The following GINS3 variants were observed in gnomAD, a reference collection of about 807,000 sequenced individuals.
GINS3 encodes the protein GINS complex subunit 3.
A neutral mutation model predicts 20.0 loss-of-function variants in GINS3; 18 were observed. The ratio of observed to expected loss-of-function variants is 0.90; its 90% confidence interval spans 0.62 to 1.33. The LOEUF is 1.33. Ranked by LOEUF, GINS3 falls within the 40% of genes most tolerant of loss-of-function variation. The pLI, the probability that GINS3 is intolerant of heterozygous loss-of-function variation, is 0.00. For synonymous variants in GINS3, 109 were observed against 107.0 expected, an observed-to-expected ratio of 1.02 and a Z score of -0.12; for missense variants, 254 against 273.6, an observed-to-expected ratio of 0.93 and a Z score of 0.51.
chr16:58,403,488 CAT>C (rs141154902), intron 2 of GINS3, 157 bp downstream of exon 2: 8,515 of 585,702 alleles, frequency 0.015, 51 homozygotes, highest in Non-Finnish European at 0.019. Context: ...TATATATTTA[CAT>C]ATATACACAC....
At chr16:58,402,909 CCAT>C in intron 1 of GINS3, 186 bp from the exon 2 acceptor site, 1 of 589,188 alleles carries the variant, frequency 1.7e-6, no homozygotes. Context: ...TCTCTCCATT[CCAT>C]CATCACATAA....
intron 1 of GINS3, among the ~76,000 whole-genome samples, chr16:58,396,574 C>G (rs1965866600): frequency 1.3e-5 from 1 of 76,472 alleles, no homozygotes; most frequent in Non-Finnish European, 2.6e-5. Flanking sequence ...GCTGATCCCC[C>G]CCACCTCCCT....
intron 1 of GINS3, among the ~76,000 whole-genome samples, chr16:58,397,632 C>G (rs1478234491): frequency 6.6e-6 from 1 of 152,168 alleles, no homozygotes; most frequent in Admixed American, 6.5e-5. Context: ...CAGCGAAACC[C>G]CGTCTCCACC....
At chr16:58,395,223 A>G in intron 1 of GINS3, 1 of 397,620 alleles carries the variant, frequency 2.5e-6, no homozygotes, top group South Asian at 1.2e-4. Flanking sequence ...TTGCAGGTAC[A>G]TGCCACCATG....
rs1966028116 is a variant in GINS3 at position 58,405,858 on chromosome 16, G to A, written c.*1129G>A. Reference sequence around the variant, plus strand: ...TGACACCTCACAACTAGCAAAAATTGTCTTTGTCTTTGGAAATTATAGAGG... The same window carrying A: ...TGACACCTCACAACTAGCAAAAATTATCTTTGTCTTTGGAAATTATAGAGG... On this transcript the variant is annotated 3_prime_UTR_variant, in exon 3 of 3. Transcript: ENST00000318129. 6.6e-6 allele frequency: 1 copy of A among 152,112 alleles called. No homozygotes were observed. The highest frequency in any genetic ancestry group is 2.4e-5 in the African/African-American group (1 of 41,406). 9.4% of individuals were successfully genotyped at this position (152,112 alleles called of 1,614,324 possible). A position where few individuals can be genotyped will look rare whatever the true frequency, so the allele number is the denominator to read the frequency against.
intron 2 of GINS3, chr16:58,403,636 C>T (rs1965987257): frequency 1.2e-5 from 4 of 343,012 alleles, no homozygotes; most frequent in Non-Finnish European, 2.2e-5. Flanking sequence ...GTGGCTCACA[C>T]CTGTAATCCC....
In GINS3 at chr16:58,404,733, C is replaced by G; in HGVS notation, c.*4C>G. 6.2e-7 allele frequency: 1 copy of G among 1,606,000 alleles called. No homozygotes were observed. The highest frequency in any genetic ancestry group is 8.5e-7 in the Non-Finnish European group (1 of 1,173,380). ...ATTCACTGATATGGAAGACTGAAAG[C>G]CGGAAGAACACAGAATGGCTCCTCA... On this transcript the variant is annotated 3_prime_UTR_variant, in exon 3 of 3. Transcript: ENST00000318129.
At chr16:58,402,058 C>T (rs1010007289) in intron 1 of GINS3, among the ~76,000 whole-genome samples, 1 of 152,112 alleles carries the variant, frequency 6.6e-6, no homozygotes, top group Non-Finnish European at 1.5e-5. Flanking sequence ...TTATTTCATA[C>T]ATCTCTTAGG....
chr16:58,404,354 G>A (rs1965998268), intron 2 of GINS3, 145 bp from the exon 3 acceptor site: 1 of 622,864 alleles, frequency 1.6e-6, no homozygotes, highest in Non-Finnish European at 2.9e-6. Flanking sequence ...AACTTACTTG[G>A]GTGCTAGAGG....
rs541351258 is a variant in GINS3 at position 58,392,528 on chromosome 16, C to T, written c.-74C>T. 9.3e-6 allele frequency: 14 copies of T among 1,505,950 alleles called. No individual in the cohort carries two copies. The African/African-American group carries it at 1.9e-4, about 21-fold the overall frequency. The allele number at this position is 1,505,950 out of a possible 1,614,324, so 93.3% of individuals were successfully genotyped here. On this transcript the variant is annotated 5_prime_UTR_variant, in exon 1 of 3. Transcript: ENST00000318129. ...CCATCCTGCCCAGTCTCCGCTTCCC[C>T]GTCTTGTACACCCCTAACTCCTGAG...
rs1242577518 is a variant in GINS3 at position 58,402,223 on chromosome 16, G to A, written c.187-875G>A. Among the ~76,000 whole-genome samples, 3 of 152,082 alleles carry A rather than the reference G, an allele frequency of 2.0e-5. No homozygotes were observed. In the East Asian group the frequency reaches 5.8e-4, roughly 29 times the overall value. ...TTAGGTTCAATTATTGTATTTTTCA[G>A]TTCTGGAATTTCCATTTGATTTCTA... On this transcript the variant is annotated intron_variant, in intron 1 of 2. Transcript: ENST00000318129.
chr16:58,398,205 A>G (rs879834369), intron 1 of GINS3, among the ~76,000 whole-genome samples: 23 of 152,194 alleles, frequency 1.5e-4, no homozygotes, highest in Admixed American at 1.5e-3. Context: ...ATCTTCTTTT[A>G]TACATTCATA....
At chr16:58,393,241 C>T (rs765708542) in intron 1 of GINS3, among the ~76,000 whole-genome samples, 1 of 152,132 alleles carries the variant, frequency 6.6e-6, no homozygotes, top group Non-Finnish European at 1.5e-5. Context: ...ATAATGATGA[C>T]AGGATCAGTA....
In GINS3 at chr16:58,404,485, C is replaced by T; in HGVS notation, c.421-14C>T. 5 of 1,595,586 alleles carry T rather than the reference C, an allele frequency of 3.1e-6. No individual in the cohort carries two copies. Among genetic ancestry groups the T allele is most frequent in the Non-Finnish European group, 4.3e-6 (5 of 1,163,198 alleles). On this transcript the variant is annotated splice_polypyrimidine_tract_variant and intron_variant, in intron 2 of 2. Transcript: ENST00000318129. ...GAGGTCAACCCTGACTTGTCTTACT[C>T]CCTTGTTTCCCAGACTTTTATCGGA...
Position 58,403,133 on chromosome 16 carries a change from A to C in GINS3, c.222A>C (p.Lys74Asn). Residue 74 changes from lysine (K) to asparagine (N), a missense_variant, in exon 2 of 3, where the codon AAA (lysine) becomes AAC (asparagine). Transcript: ENST00000318129. ...SKLELPLWLAKGLFDNKRRIL... is the reference protein window; with the variant it reads ...SKLELPLWLANGLFDNKRRIL... ...TTGAACTACCCTTGTGGCTGGCAAA[A>C]GGACTTTTTGACAACAAGCGACGGA... The C allele has an allele frequency of 1.2e-6, 2 of 1,614,184 alleles. No individual in the cohort carries two copies. Among genetic ancestry groups the C allele is most frequent in the South Asian group, 2.2e-5 (2 of 91,072 alleles).
At chr16:58,394,990 A>G in intron 1 of GINS3, 1 of 420,784 alleles carries the variant, frequency 2.4e-6, no homozygotes, top group South Asian at 4.8e-5. Flanking sequence ...ATTTAATTTC[A>G]TTTATAGGAT....
At chr16:58,401,200 C>T (rs185828820) in intron 1 of GINS3, among the ~76,000 whole-genome samples, 469 of 151,900 alleles carry the variant, frequency 3.1e-3, no homozygotes, top group Non-Finnish European at 3.9e-3. Flanking sequence ...GTGGTGTGTC[C>T]GGAGTTTGTT....
rs1325897484 is a variant in GINS3, at chr16:58,405,928, G to C, written c.*1199G>C. On this transcript the variant is annotated 3_prime_UTR_variant, in exon 3 of 3. Coordinates refer to ENST00000318129, the MANE Select transcript of GINS3 (RefSeq NM_022770.4). ...TGCAGATGCAAACTTAGGCTGTCTT[G>C]ATGCAAACTTAGAACCACAGAAATG... 4 of 152,164 alleles carry C rather than the reference G, an allele frequency of 2.6e-5. No homozygotes were observed. Among genetic ancestry groups the C allele is most frequent in the African/African-American group, 9.7e-5 (4 of 41,432 alleles). 9.4% of individuals were successfully genotyped at this position (152,164 alleles called of 1,614,324 possible). A position where few individuals can be genotyped will look rare whatever the true frequency, so the allele number is the denominator to read the frequency against.
chr16:58,400,159 A>G (rs1000587386), intron 1 of GINS3, among the ~76,000 whole-genome samples: 31 of 152,338 alleles, frequency 2.0e-4, no homozygotes, highest in African/African-American at 7.2e-4. Context: ...AGAGGACTCA[A>G]AGGACTCAGC....
Sources: gnomAD v4.1 joint callset for allele counts (sites outside exome capture counted in the v4.1 genomes callset) on GRCh38, gnomAD v4.1.1 for gene constraint, MANE v1.5 for transcripts, NCBI Gene and HGNC (gene_info 2026-07-23, HGNC 2026-07-21) for gene names.